Variants in ZNF385D observed in about 807,000 individuals in gnomAD.
ZNF385D encodes zinc finger protein 659.
In ZNF385D, 15 loss-of-function variants were observed where a neutral mutation model predicts 35.8. That is an observed-to-expected ratio of 0.42 (90% CI 0.28 to 0.64). ZNF385D has a LOEUF of 0.64. ZNF385D is among the 30% of genes least tolerant of loss of function. The pLI is 0.23. For missense variants in ZNF385D, 474 were observed against 494.6 expected (o/e 0.96, Z 0.39); for synonymous variants, 212 against 186.8 (o/e 1.13, Z -1.10).
chr3:22,080,406 T>C (rs1559353172), intron 3 of ZNF385D, among the ~76,000 whole-genome samples: 1 of 152,094 alleles, frequency 6.6e-6, no homozygotes, highest in African/African-American at 2.4e-5. Flanking sequence ...GCAATGTTCA[T>C]GATCAATAAA....
chr3:21,908,839 A>C (rs1699822017), intron 3 of ZNF385D, among the ~76,000 whole-genome samples: 1 of 152,096 alleles, frequency 6.6e-6, no homozygotes, highest in Non-Finnish European at 1.5e-5. Context: ...TAAGCATGTA[A>C]ATTTACATGT....
intron 3 of ZNF385D, among the ~76,000 whole-genome samples, chr3:21,862,517 G>A (rs1426497532): frequency 6.6e-6 from 1 of 152,024 alleles, no homozygotes; most frequent in African/African-American, 2.4e-5. Context: ...CTTAAATAAG[G>A]AAGCCATGGC....
intron 2 of ZNF385D, among the ~76,000 whole-genome samples, chr3:22,197,870 C>G (rs971247175): frequency 6.6e-6 from 1 of 152,112 alleles, no homozygotes; most frequent in Non-Finnish European, 1.5e-5. Context: ...AAAAGACTTG[C>G]TTTCCTTTAT....
At chr3:21,865,318 G>A (rs1055799416) in intron 3 of ZNF385D, among the ~76,000 whole-genome samples, 2 of 151,848 alleles carry the variant, frequency 1.3e-5, no homozygotes, top group Admixed American at 6.6e-5. Context: ...GTTTTGTTTA[G>A]AATTTGTGAC....
At chr3:21,867,578 A>G (rs1271066163) in intron 3 of ZNF385D, among the ~76,000 whole-genome samples, 1 of 151,890 alleles carries the variant, frequency 6.6e-6, no homozygotes, top group Non-Finnish European at 1.5e-5. Flanking sequence ...TCTTGTATTT[A>G]CTCTATTTAT....
chr3:22,128,730 T>C (rs79698913), intron 3 of ZNF385D, among the ~76,000 whole-genome samples: 2,760 of 152,204 alleles, frequency 0.018, 98 homozygotes, highest in African/African-American at 0.062. Context: ...AGCTCCAGAA[T>C]TTCTGCTTGA....
intron 4 of ZNF385D, among the ~76,000 whole-genome samples, chr3:21,480,694 C>T (rs112542327): frequency 9.9e-5 from 15 of 152,208 alleles, no homozygotes; most frequent in African/African-American, 3.6e-4. Flanking sequence ...GATTGACATT[C>T]GATATTCACT....
At chr3:21,506,901 T>C (rs1706809256) in intron 4 of ZNF385D, among the ~76,000 whole-genome samples, 1 of 152,100 alleles carries the variant, frequency 6.6e-6, no homozygotes, top group Non-Finnish European at 1.5e-5. Context: ...TTTCTATGAA[T>C]AGTCAGTGGC....
chr3:22,250,419 G>A (rs1700004653), intron 2 of ZNF385D, among the ~76,000 whole-genome samples: 1 of 151,952 alleles, frequency 6.6e-6, no homozygotes, highest in Non-Finnish European at 1.5e-5. Context: ...AGGTTGATAA[G>A]CAGAAGAAAA....
At chr3:21,955,232 CT>C (rs1468088483) in intron 3 of ZNF385D, among the ~76,000 whole-genome samples, 9 of 152,264 alleles carry the variant, frequency 5.9e-5, no homozygotes, top group African/African-American at 1.9e-4. Context: ...GCTTATCCTT[CT>C]TGCTGGCTCT....
chr3:22,099,401 G>A (rs1313768102), intron 3 of ZNF385D, among the ~76,000 whole-genome samples: 2 of 152,078 alleles, frequency 1.3e-5, no homozygotes, highest in East Asian at 1.9e-4. Flanking sequence ...CTTAAAGTAT[G>A]AGTTGTAATT....
intron 1 of ZNF385D, among the ~76,000 whole-genome samples, chr3:21,721,214 G>A (rs938290182): frequency 6.6e-6 from 1 of 152,118 alleles, no homozygotes; most frequent in Non-Finnish European, 1.5e-5. Context: ...CAGCGTCAGT[G>A]CTTACTCTGT....
At chr3:21,712,842 C>A (rs983460013) in intron 1 of ZNF385D, among the ~76,000 whole-genome samples, 16 of 152,198 alleles carry the variant, frequency 1.1e-4, no homozygotes, top group African/African-American at 3.6e-4. Context: ...TCTGCCTTTA[C>A]TGTCAGTGAA....
intron 2 of ZNF385D, among the ~76,000 whole-genome samples, chr3:22,222,262 G>A (rs769531735): frequency 4.6e-5 from 7 of 151,598 alleles, no homozygotes; most frequent in African/African-American, 1.7e-4. Flanking sequence ...AGCCACGTCC[G>A]GCTAACCACT....
chr3:21,613,811 C>T (rs962226974), intron 2 of ZNF385D, among the ~76,000 whole-genome samples: 2 of 152,202 alleles, frequency 1.3e-5, no homozygotes, highest in African/African-American at 2.4e-5. Flanking sequence ...ATTCCATGCA[C>T]ATCATATCCA....
intron 2 of ZNF385D, among the ~76,000 whole-genome samples, chr3:21,642,074 A>T (rs1340493886): frequency 1.3e-5 from 2 of 152,260 alleles, no homozygotes; most frequent in Middle Eastern, 3.4e-3. Context: ...ATAATAAAAG[A>T]TTAGGTTGTG....
chr3:22,216,586 C>T (rs371072961), intron 2 of ZNF385D, among the ~76,000 whole-genome samples: 1 of 151,994 alleles, frequency 6.6e-6, no homozygotes, highest in East Asian at 1.9e-4. Flanking sequence ...AGCAATATTT[C>T]GTTTTGATTT....
chr3:21,574,782 T>C (rs376934642), intron 2 of ZNF385D, among the ~76,000 whole-genome samples: 5 of 152,110 alleles, frequency 3.3e-5, no homozygotes, highest in African/African-American at 1.2e-4. Context: ...TCTATCCTTA[T>C]ACATGTTCAG....
Position 22,238,635 on chromosome 3 carries a change from T to C in ZNF385D, c.107-69600A>G, listed in dbSNP as rs546076963. ...CAGTTGATTTTTATCTATTGATCTT[T>C]TATCCTTCAATCTTACAGAACTCAT... is the stretch of plus-strand genomic sequence containing the variant. On this transcript the variant is annotated intron_variant, in intron 2 of 5. Transcript: ENST00000494108. 5.9e-5 allele frequency among the ~76,000 whole-genome samples: 9 copies of C among 151,274 alleles called. 1 individual carries two copies. The East Asian group carries it at 1.8e-3, about 29-fold the overall frequency.
Sources: allele counts gnomAD v4.1 joint callset (sites outside exome capture counted in the v4.1 genomes callset), GRCh38; gene constraint gnomAD v4.1.1; transcripts MANE v1.5; gene names NCBI Gene and HGNC (gene_info 2026-07-23, HGNC 2026-07-21).